The following NPAS3 variants were observed in gnomAD, a reference collection of about 807,000 sequenced individuals.
NPAS3 encodes neuronal PAS domain protein 3, also known as neuronal PAS domain-containing protein 3.
NPAS3 carries 14 observed loss-of-function variants against 73.1 expected under a neutral mutation model. The ratio of observed to expected loss-of-function variants is 0.19; its 90% CI spans 0.13 to 0.30. The LOEUF (loss-of-function observed/expected upper bound fraction) is 0.30. Ranked by LOEUF, NPAS3 falls within the 10% of genes least tolerant of loss-of-function variation. NPAS3 has a pLI of 1.00. For missense variants in NPAS3, 1,096 were observed against 1,250.0 expected, an observed-to-expected ratio of 0.88 and a Z score of 1.86; for synonymous variants, 620 against 541.5, an observed-to-expected ratio of 1.14 and a Z score of -2.01.
At chr14:33,085,509 T>C (rs184957179) in intron 2 of NPAS3, among the ~76,000 whole-genome samples, 31 of 152,284 alleles carry the variant, frequency 2.0e-4, no homozygotes, top group Non-Finnish European at 3.2e-4. Flanking sequence ...ATGGGAAAAA[T>C]CTATTCTCTC....
At position 33,364,553 on chromosome 14, in the gene NPAS3, C is replaced by T. The variant is rs138883523; in HGVS notation, c.386-2633C>T. 3.0e-3 allele frequency among the ~76,000 whole-genome samples: 462 copies of T among 152,158 alleles called. 3 individuals are homozygous for T. The highest frequency in any genetic ancestry group is 0.017 in the Middle Eastern group (5 of 294). Reference sequence around the variant, plus strand: ...GAGAAGTTCCAGTGACATAAAAATGCCATCGAATAGAATAGCATGAAACTA... The same window carrying T: ...GAGAAGTTCCAGTGACATAAAAATGTCATCGAATAGAATAGCATGAAACTA... On this transcript the variant is annotated intron_variant, in intron 3 of 11. Transcript: ENST00000356141.
intron 2 of NPAS3, among the ~76,000 whole-genome samples, chr14:33,071,441 T>C (rs969379878): frequency 2.0e-5 from 3 of 148,266 alleles, no homozygotes; most frequent in African/African-American, 7.9e-5. Context: ...AGTAAATCTT[T>C]TAATTGAGAC....
At chr14:33,644,902 G>A (rs1310961836) in intron 5 of NPAS3, among the ~76,000 whole-genome samples, 2 of 152,022 alleles carry the variant, frequency 1.3e-5, no homozygotes, top group African/African-American at 4.8e-5. Context: ...CCAACATGGT[G>A]AAACCTCGTC....
intron 5 of NPAS3, among the ~76,000 whole-genome samples, chr14:33,561,478 T>C (rs1013554162): frequency 6.6e-6 from 1 of 152,240 alleles, no homozygotes; most frequent in African/African-American, 2.4e-5. Context: ...TAATTCTATT[T>C]TATGTGGACT....
Position 33,295,884 on chromosome 14 carries a change from A to G in NPAS3, c.386-71302A>G, listed in dbSNP as rs1306534696. 2.0e-5 allele frequency among the ~76,000 whole-genome samples: 3 copies of G among 152,184 alleles called. No homozygotes were observed. In the South Asian group the frequency reaches 6.2e-4, roughly 32 times the overall value. On this transcript the variant is annotated intron_variant, in intron 3 of 11. Transcript: ENST00000356141. ...GAATACAATGGGATGGAATTAGAAG[A>G]CCTGTCTCTTTCAGCAAGTTAAGAC...
intron 2 of NPAS3, among the ~76,000 whole-genome samples, chr14:33,165,734 C>T (rs2045111830): frequency 6.6e-6 from 1 of 151,220 alleles, no homozygotes; most frequent in Non-Finnish European, 1.5e-5. Context: ...ATTGAAGGTA[C>T]ATTTTGAAAG....
intron 3 of NPAS3, among the ~76,000 whole-genome samples, chr14:33,353,345 T>C (rs1005620214): frequency 6.6e-6 from 1 of 152,204 alleles, no homozygotes; most frequent in Non-Finnish European, 1.5e-5. Context: ...CCTGTGGGTA[T>C]TTGACAGATC....
intron 1 of NPAS3, among the ~76,000 whole-genome samples, chr14:32,946,348 GCACACA>G (rs3057257): frequency 1.3e-3 from 185 of 139,402 alleles, no homozygotes; most frequent in East Asian, 2.3e-3. Flanking sequence ...ACACACACGC[GCACACA>G]CACACACACA....
intron 4 of NPAS3, among the ~76,000 whole-genome samples, chr14:33,479,101 C>T (rs151196170): frequency 3.9e-5 from 6 of 152,262 alleles, no homozygotes; most frequent in African/African-American, 1.4e-4. Flanking sequence ...GGAAAATAAA[C>T]GTGCAGTTAA....
chr14:33,418,537 T>C (rs1438621668), intron 4 of NPAS3, among the ~76,000 whole-genome samples: 1 of 152,042 alleles, frequency 6.6e-6, no homozygotes, highest in Non-Finnish European at 1.5e-5. Flanking sequence ...TTTCTTGGAC[T>C]CTTTGCTTCC....
chr14:33,177,161 G>A (rs1446049473), intron 2 of NPAS3, among the ~76,000 whole-genome samples: 1 of 150,144 alleles, frequency 6.7e-6, no homozygotes, highest in Admixed American at 6.6e-5. Flanking sequence ...CAGTGGCGCA[G>A]TCTCGACTCG....
intron 4 of NPAS3, among the ~76,000 whole-genome samples, chr14:33,463,274 A>G (rs1245243849): frequency 6.6e-6 from 1 of 152,184 alleles, no homozygotes; most frequent in Non-Finnish European, 1.5e-5. Context: ...CCAACCAGTG[A>G]TATTTTCCTA....
chr14:33,123,384 AC>A (rs2043305311), intron 2 of NPAS3, among the ~76,000 whole-genome samples: 1 of 152,080 alleles, frequency 6.6e-6, no homozygotes, highest in African/African-American at 2.4e-5. Context: ...ATTGTTCATT[AC>A]TTGACTAGGA....
intron 3 of NPAS3, among the ~76,000 whole-genome samples, chr14:33,314,982 G>A (rs1414250427): frequency 6.6e-6 from 1 of 152,068 alleles, no homozygotes; most frequent in African/African-American, 2.4e-5. Flanking sequence ...ACAGTATTCA[G>A]TGAAAGAGCT....
At chr14:33,159,709 A>G (rs1415323764) in intron 2 of NPAS3, among the ~76,000 whole-genome samples, 1 of 151,872 alleles carries the variant, frequency 6.6e-6, no homozygotes, top group Non-Finnish European at 1.5e-5. Context: ...GCCCACCACC[A>G]TGCCCGGCTT....
intron 2 of NPAS3, among the ~76,000 whole-genome samples, chr14:33,158,984 G>A (rs1230845770): frequency 6.6e-6 from 1 of 152,056 alleles, no homozygotes; most frequent in Non-Finnish European, 1.5e-5. Flanking sequence ...CCAATGTGGT[G>A]AAACACTGCC....
intron 5 of NPAS3, among the ~76,000 whole-genome samples, chr14:33,590,843 A>T (rs987093901): frequency 6.6e-6 from 1 of 152,164 alleles, no homozygotes; most frequent in African/African-American, 2.4e-5. Flanking sequence ...GCTTTCGCTC[A>T]TTCATTCATA....
chr14:33,255,673 C>T (rs797008447), intron 3 of NPAS3, among the ~76,000 whole-genome samples: 73 of 152,250 alleles, frequency 4.8e-4, no homozygotes, highest in African/African-American at 1.7e-3. Flanking sequence ...AGATAAACAC[C>T]TTCAAATGCA....
intron 4 of NPAS3, among the ~76,000 whole-genome samples, chr14:33,502,927 G>C (rs774087157): frequency 4.6e-5 from 7 of 151,918 alleles, no homozygotes; most frequent in Non-Finnish European, 1.0e-4. Context: ...GAAACTTGCA[G>C]ATCTAGAATA....
Sources: gnomAD v4.1 joint callset for allele counts (sites outside exome capture counted in the v4.1 genomes callset) on GRCh38, gnomAD v4.1.1 for gene constraint, MANE v1.5 for transcripts, NCBI Gene and HGNC (gene_info 2026-07-23, HGNC 2026-07-21) for gene names.